Variants in ZNF804B observed in about 807,000 individuals in gnomAD.
The protein encoded by ZNF804B is zinc finger 804B.
Under a neutral mutation model 101.4 loss-of-function variants are expected in ZNF804B, and 80 were observed. That is an observed-to-expected ratio of 0.79 (90% CI 0.66 to 0.95). The LOEUF (loss-of-function observed/expected upper bound fraction) is 0.95, where lower values mean the gene tolerates loss of function less well. Among genes scored for constraint, ZNF804B ranks in the 40% least tolerant of loss-of-function variants. The pLI, the probability that ZNF804B is intolerant of heterozygous loss-of-function variation, is 0.00. For missense variants in ZNF804B, 1,673 were observed against 1,561.9 expected (o/e 1.07, Z -1.20); for synonymous variants, 622 against 558.8 (o/e 1.11, Z -1.59).
At chr7:88,989,411 G>T (rs975382579) in intron 1 of ZNF804B, among the ~76,000 whole-genome samples, 1 of 152,030 alleles carries the variant, frequency 6.6e-6, no homozygotes, top group Non-Finnish European at 1.5e-5. Context: ...AGCCACGTTG[G>T]CATCTTTGCA....
intron 1 of ZNF804B, among the ~76,000 whole-genome samples, chr7:88,886,535 A>G (rs1310637758): frequency 2.0e-5 from 3 of 152,172 alleles, no homozygotes; most frequent in Non-Finnish European, 2.9e-5. Flanking sequence ...GAAATTTGAT[A>G]AAGAACATTT....
chr7:89,168,780 C>T (rs1048175099), intron 1 of ZNF804B, among the ~76,000 whole-genome samples: 8 of 143,610 alleles, frequency 5.6e-5, no homozygotes, highest in African/African-American at 1.8e-4. Context: ...TATTCATCAA[C>T]AATAACTACT....
intron 1 of ZNF804B, among the ~76,000 whole-genome samples, chr7:89,078,340 T>C (rs1169952173): frequency 1.3e-5 from 2 of 152,186 alleles, no homozygotes; most frequent in Middle Eastern, 3.4e-3. Context: ...TAGCATGTGC[T>C]TACTAGAAAT....
chr7:88,951,315 T>A (rs930716236), intron 1 of ZNF804B, among the ~76,000 whole-genome samples: 3 of 151,900 alleles, frequency 2.0e-5, no homozygotes, highest in African/African-American at 4.8e-5. Flanking sequence ...CAGACATTGC[T>A]TCAACATTTT....
chr7:89,287,647 T>C (rs560138120), intron 2 of ZNF804B, among the ~76,000 whole-genome samples: 2 of 152,214 alleles, frequency 1.3e-5, no homozygotes, highest in African/African-American at 4.8e-5. Flanking sequence ...TTTGAGTTGC[T>C]CACAAATGTA....
At chr7:89,146,040 A>G (rs903406670) in intron 1 of ZNF804B, among the ~76,000 whole-genome samples, 3 of 152,172 alleles carry the variant, frequency 2.0e-5, no homozygotes, top group Non-Finnish European at 2.9e-5. Flanking sequence ...GAGCTTCCAA[A>G]TGATGTTGAA....
At chr7:89,248,262 T>G (rs777124385) in intron 2 of ZNF804B, among the ~76,000 whole-genome samples, 1 of 152,018 alleles carries the variant, frequency 6.6e-6, no homozygotes, top group African/African-American at 2.4e-5. Context: ...AGAGAACATC[T>G]GTGAGATACT....
At chr7:89,027,697 C>T (rs990472945) in intron 1 of ZNF804B, among the ~76,000 whole-genome samples, 13 of 152,206 alleles carry the variant, frequency 8.5e-5, no homozygotes, top group South Asian at 2.1e-4. Context: ...AATGTGAAAA[C>T]GAAGAAGGTC....
chr7:89,035,267 G>A (rs1292493419), intron 1 of ZNF804B, among the ~76,000 whole-genome samples: 2 of 152,050 alleles, frequency 1.3e-5, no homozygotes, highest in East Asian at 1.9e-4. Flanking sequence ...ATGTATGTAG[G>A]AAAATCACAG....
At chr7:89,022,885 A>G (rs80282653) in intron 1 of ZNF804B, among the ~76,000 whole-genome samples, 3,455 of 152,248 alleles carry the variant, frequency 0.023, 136 homozygotes, top group African/African-American at 0.079. Flanking sequence ...CTCCATCTTA[A>G]CCCATGTTAA....
chr7:88,777,943 T>C (rs1039691119), intron 1 of ZNF804B, among the ~76,000 whole-genome samples: 1 of 152,038 alleles, frequency 6.6e-6, no homozygotes, highest in African/African-American at 2.4e-5. Context: ...ATATCTGTTA[T>C]ACAGAAATCT....
chr7:89,046,626 G>A (rs950538362), intron 1 of ZNF804B, among the ~76,000 whole-genome samples: 3 of 151,892 alleles, frequency 2.0e-5, no homozygotes, highest in Admixed American at 1.3e-4. Context: ...AAACATAAAT[G>A]TTATTGTTAT....
intron 2 of ZNF804B, among the ~76,000 whole-genome samples, chr7:89,292,843 T>A (rs924452909): frequency 6.9e-6 from 1 of 144,172 alleles, no homozygotes. Context: ...CAACTGGACT[T>A]TTTTTTGTAA....
At chr7:88,780,127 A>G (rs1790201484) in intron 1 of ZNF804B, among the ~76,000 whole-genome samples, 1 of 152,224 alleles carries the variant, frequency 6.6e-6, no homozygotes, top group Non-Finnish European at 1.5e-5. Context: ...ATAAGATGTC[A>G]TCTCACTCCA....
At chr7:89,239,815 A>AT (rs1789339681) in intron 2 of ZNF804B, among the ~76,000 whole-genome samples, 2 of 150,668 alleles carry the variant, frequency 1.3e-5, no homozygotes, top group South Asian at 2.1e-4. Context: ...ATATATATAT[A>AT]AAATTTAATA....
chr7:89,206,809 C>A (rs1040904282), intron 1 of ZNF804B, among the ~76,000 whole-genome samples: 1 of 152,118 alleles, frequency 6.6e-6, no homozygotes, highest in African/African-American at 2.4e-5. Context: ...TAACAGCACC[C>A]AAGTCAGCTT....
chr7:89,264,892 A>T (rs114620964), intron 2 of ZNF804B, among the ~76,000 whole-genome samples: 3 of 152,254 alleles, frequency 2.0e-5, no homozygotes, highest in East Asian at 1.9e-4. Flanking sequence ...GTTACTCTGT[A>T]TTACCTTTTT....
chr7:88,957,126 G>T (rs933465105), intron 1 of ZNF804B, among the ~76,000 whole-genome samples: 1 of 151,400 alleles, frequency 6.6e-6, no homozygotes, highest in African/African-American at 2.4e-5. Context: ...AATATTTTCT[G>T]TTTATGAAAG....
rs1254615230 is a variant in ZNF804B, at chr7:88,819,082, A to G, written c.108+58998A>G. On this transcript the variant is annotated intron_variant, in intron 1 of 3. Coordinates refer to ENST00000333190, the MANE Select transcript of ZNF804B (RefSeq NM_181646.5). ...ATTGACTGTATTTTCTTCACTGCCC[A>G]TTGTGATACCCTGTGAAAGTATATC... Among the ~76,000 whole-genome samples the G allele has an allele frequency of 5.3e-5, 8 of 152,166 alleles. No individual in the cohort carries two copies. In the South Asian group the frequency reaches 1.2e-3, roughly 24 times the overall value.
Sources: gnomAD v4.1 joint callset for allele counts (sites outside exome capture counted in the v4.1 genomes callset) on GRCh38, gnomAD v4.1.1 for gene constraint, MANE v1.5 for transcripts, NCBI Gene and HGNC (gene_info 2026-07-23, HGNC 2026-07-21) for gene names.